The following RAD23B variants were observed in gnomAD, a reference collection of about 807,000 sequenced individuals.
RAD23B encodes lysine-specific demethylase RAD23B.
A neutral mutation model predicts 49.1 loss-of-function variants in RAD23B; 5 were observed. That is an observed-to-expected ratio of 0.10 (90% confidence interval 0.05 to 0.21). The LOEUF is 0.21. Ranked by LOEUF, RAD23B falls within the 10% of genes least tolerant of loss-of-function variation. RAD23B has a pLI of 1.00. For missense variants in RAD23B, 356 were observed against 486.7 expected, an observed-to-expected ratio of 0.73 and a Z score of 2.53; for synonymous variants, 184 against 165.4, an observed-to-expected ratio of 1.11 and a Z score of -0.86.
chr9:107,296,789 C>G (rs981224162), intron 1 of RAD23B, among the ~76,000 whole-genome samples: 1 of 151,998 alleles, frequency 6.6e-6, no homozygotes, highest in Non-Finnish European at 1.5e-5. Flanking sequence ...CCCACTTCGG[C>G]CTTCCAGGGT....
chr9:107,292,669 ACT>A (rs1833406065), intron 1 of RAD23B, among the ~76,000 whole-genome samples: 2 of 84,278 alleles, frequency 2.4e-5, no homozygotes, highest in Non-Finnish European at 4.5e-5. Context: ...ACAGAGCGAG[ACT>A]CTGTCAAAAA....
rs753505436 is a variant in RAD23B, at chr9:107,324,887, A to G, written c.999A>G (p.Gln333=). 6.8e-6 allele frequency: 11 copies of G among 1,613,386 alleles called. No individual in the cohort carries two copies. Among genetic ancestry groups the G allele is most frequent in the African/African-American group, 1.3e-5 (1 of 74,928 alleles). ...TTCAGATGTTAAATGAACCAGTTCAAGAAGCTGGTGGTCAAGGAGGAGGAG... is the reference window on the plus strand; with the variant it reads ...TTCAGATGTTAAATGAACCAGTTCAGGAAGCTGGTGGTCAAGGAGGAGGAG... The part of the protein sequence containing the change: ...HFIQMLNEPV[Q]EAGGQGGGGG... The change falls in exon 9 of 10, where the codon CAA becomes CAG. Residue 333 remains glutamine, a synonymous_variant. Coordinates refer to ENST00000358015, the MANE Select transcript of RAD23B (RefSeq NM_002874.5).
At chr9:107,284,317 G>A (rs1370953965) in intron 1 of RAD23B, 7 of 741,720 alleles carry the variant, frequency 9.4e-6, no homozygotes, top group Non-Finnish European at 9.9e-6. Context: ...GCACTTTGAG[G>A]CCTCTTTGGT....
At chr9:107,302,695 G>T (rs1826681026) in intron 3 of RAD23B, among the ~76,000 whole-genome samples, 1 of 140,026 alleles carries the variant, frequency 7.1e-6, no homozygotes. Context: ...TCGCTCTGTT[G>T]CCCAGGCTGG....
intron 1 of RAD23B, among the ~76,000 whole-genome samples, chr9:107,296,620 G>A (rs1356751381): frequency 6.6e-6 from 1 of 151,758 alleles, no homozygotes; most frequent in Non-Finnish European, 1.5e-5. Flanking sequence ...AGGCTAGAGT[G>A]CAGTGGCATG....
chr9:107,299,015 A>T (rs1044904060), intron 1 of RAD23B, among the ~76,000 whole-genome samples: 1 of 152,036 alleles, frequency 6.6e-6, no homozygotes, highest in African/African-American at 2.4e-5. Flanking sequence ...TTTGCAAAAT[A>T]CTCTGCTTGG....
At chr9:107,310,122 A>G (rs1826863648) in intron 4 of RAD23B, among the ~76,000 whole-genome samples, 1 of 152,176 alleles carries the variant, frequency 6.6e-6, no homozygotes, top group Non-Finnish European at 1.5e-5. Context: ...GGAACTTAAT[A>G]TAAAGGTACA....
In RAD23B at chr9:107,288,856, A is replaced by C. The variant is rs528219424; in HGVS notation, c.66+5161A>C. Among the ~76,000 whole-genome samples the C allele has an allele frequency of 2.0e-5, 3 of 152,290 alleles. No individual in the cohort carries two copies. In the South Asian group the frequency reaches 6.2e-4, roughly 32 times the overall value. ...GAATGTGTTTTGGGTACTGAAAAAA[A>C]GCCTGCATTGCTAAGGTGATGGGTA... On this transcript the variant is annotated intron_variant, in intron 1 of 9. Transcript: ENST00000358015.
At position 107,325,313 on chromosome 9, in the gene RAD23B, CAAAAAAAAAAA is replaced by C. The variant is rs34042765; in HGVS notation, c.1116+327_1116+337del. Among the ~76,000 whole-genome samples the C allele has an allele frequency of 1.3e-3, 80 of 61,386 alleles. 1 individual carries two copies. Among genetic ancestry groups the C allele is most frequent in the African/African-American group, 5.1e-3 (77 of 15,220 alleles). 40.3% of individuals were successfully genotyped at this position (61,386 alleles called of 152,430 possible). On this transcript the variant is annotated intron_variant, in intron 9 of 9. Transcript: ENST00000358015. ...TGGGCAACAGAGTGAGACTCTGTCTCAAAAAAAAAAAAAAAAAAAAAAAAAAAATTCCTTAG... is the reference window on the plus strand; with the variant it reads ...TGGGCAACAGAGTGAGACTCTGTCTCAAAAAAAAAAAAAAAAATTCCTTAG...
chr9:107,306,922 TTTG>T (rs67723140), intron 4 of RAD23B, among the ~76,000 whole-genome samples: 48,429 of 151,464 alleles, frequency 0.32, 9,275 homozygotes, highest in Middle Eastern at 0.47. Flanking sequence ...TTTTTTTTTT[TTTG>T]AGTAGAAACG....
At chr9:107,284,411 C>G (rs1833230770) in intron 1 of RAD23B, among the ~76,000 whole-genome samples, 1 of 151,670 alleles carries the variant, frequency 6.6e-6, no homozygotes, top group African/African-American at 2.4e-5. Flanking sequence ...TGTTAGAAAT[C>G]TTGGAATTGT....
intron 1 of RAD23B, chr9:107,284,597 GAC>G: frequency 3.0e-6 from 1 of 337,332 alleles, no homozygotes; most frequent in South Asian, 8.4e-5. Context: ...TGCATAAAGA[GAC>G]ACTGTTGAGG....
At chr9:107,325,774 A>G (rs919968990) in intron 9 of RAD23B, among the ~76,000 whole-genome samples, 2 of 152,132 alleles carry the variant, frequency 1.3e-5, no homozygotes, top group Admixed American at 6.6e-5. Context: ...CCTCCAGTAT[A>G]TTATTAGACT....
At chr9:107,294,404 T>C (rs1288940004) in intron 1 of RAD23B, among the ~76,000 whole-genome samples, 1 of 152,196 alleles carries the variant, frequency 6.6e-6, no homozygotes, top group East Asian at 1.9e-4. Flanking sequence ...GTACTGGGAC[T>C]GTGGTGCTCA....
rs1422150716 is a variant in RAD23B at position 107,318,987 on chromosome 9, A to C, written c.681+108A>C. On this transcript the variant is annotated intron_variant, in intron 6 of 9. Coordinates refer to ENST00000358015, the MANE Select transcript of RAD23B (RefSeq NM_002874.5). The surrounding 1 kb of genome is among the most constrained non-coding windows in gnomAD (Gnocchi z 4.3). ...TTGTCACTGATATATGCTAGATGAT[A>C]TACATAATGCTTTTTTTTTTCTAGT... 3.7e-6 allele frequency: 4 copies of C among 1,087,842 alleles called. No individual in the cohort carries two copies. In the East Asian group the frequency reaches 1.1e-4, roughly 30 times the overall value. The allele number at this position is 1,087,842 out of a possible 1,614,324, so 67.4% of individuals were successfully genotyped here. A position where few individuals can be genotyped will look rare whatever the true frequency, so the allele number is the denominator to read the frequency against.
intron 3 of RAD23B, among the ~76,000 whole-genome samples, 160 bp from the exon 4 acceptor site, chr9:107,306,219 T>A (rs2133079733): frequency 6.6e-6 from 1 of 151,890 alleles, no homozygotes; most frequent in South Asian, 2.1e-4. Flanking sequence ...AGTCAGATTG[T>A]TAATATTGAT....
intron 1 of RAD23B, among the ~76,000 whole-genome samples, chr9:107,294,287 A>G (rs946782245): frequency 2.6e-5 from 4 of 152,152 alleles, no homozygotes; most frequent in African/African-American, 9.7e-5. Context: ...AAAATGTTTG[A>G]TTTCTTGAAT....
chr9:107,287,007 A>G (rs1286725058), intron 1 of RAD23B, among the ~76,000 whole-genome samples: 1 of 151,530 alleles, frequency 6.6e-6, no homozygotes, highest in Non-Finnish European at 1.5e-5. Context: ...CCCAGGAGGC[A>G]GAGGTTGCAG....
intron 4 of RAD23B, 40 bp from the exon 5 acceptor site, chr9:107,311,642 A>T (rs1826889039): frequency 7.0e-7 from 1 of 1,431,096 alleles, no homozygotes; most frequent in African/African-American, 1.5e-5. Flanking sequence ...TAAATTTTAT[A>T]TACTTTTTAA....
Sources: allele counts gnomAD v4.1 joint callset (sites outside exome capture counted in the v4.1 genomes callset), GRCh38; gene constraint gnomAD v4.1.1; non-coding constraint Gnocchi (gnomAD v3.1); transcripts MANE v1.5; gene names NCBI Gene and HGNC (gene_info 2026-07-23, HGNC 2026-07-21).